The following ARHGEF38 variants were observed in gnomAD, a reference collection of about 807,000 sequenced individuals.
ARHGEF38 encodes the protein Rho guanine nucleotide exchange factor 38, also known as Rho guanine nucleotide exchange factor (GEF) 38.
Under a neutral mutation model 79.9 loss-of-function variants are expected in ARHGEF38, and 79 were observed. The observed-to-expected ratio is 0.99, with a 90% confidence interval of 0.82 to 1.19. ARHGEF38 has a LOEUF of 1.19. Among genes scored for constraint, ARHGEF38 ranks in the 50% most tolerant of loss-of-function variants. The probability of loss-of-function intolerance (pLI) is 0.00; values close to 1 mark genes in which losing one functional copy is unlikely to be tolerated. For synonymous variants in ARHGEF38, 366 were observed against 328.3 expected (o/e 1.11, Z -1.24); for missense variants, 962 against 907.2 (o/e 1.06, Z -0.78).
At chr4:105,590,903 G>A (rs1338944381) in intron 2 of ARHGEF38, among the ~76,000 whole-genome samples, 1 of 151,754 alleles carries the variant, frequency 6.6e-6, no homozygotes, top group African/African-American at 2.4e-5. Flanking sequence ...TCATATCCAT[G>A]TTTTTTGCTG....
Position 105,667,637 on chromosome 4 carries a change from T to C in ARHGEF38, c.2082T>C (p.Ser694=). Reference sequence around the variant, plus strand: ...TTGGTGATAGCAGCTCATCTCTTAGTGGCACATGTGGAAAGTTTGAAACAA... The same window carrying C: ...TTGGTGATAGCAGCTCATCTCTTAGCGGCACATGTGGAAAGTTTGAAACAA... The part of the protein sequence containing the change: ...SSIGDSSSSL[S]GTCGKFETNG... The change falls in exon 13 of 14, where the codon AGT becomes AGC. Residue 694 remains serine (S), a synonymous_variant. Coordinates refer to ENST00000420470, the MANE Select transcript of ARHGEF38 (RefSeq NM_001242729.2). 6.5e-7 allele frequency: 1 copy of C among 1,536,562 alleles called. No homozygotes were observed. The highest frequency in any genetic ancestry group is 8.7e-7 in the Non-Finnish European group (1 of 1,147,010).
chr4:105,667,201 C>T lies in ARHGEF38; in HGVS notation c.1762C>T (p.Gln588Ter). ...LSTYSAEELY[Q>*]AKRKCNATQE... ...CACATATAGTGCAGAGGAACTCTAT[C>T]AAGCTAAGCGCAAGTGCAATGCTAC... Residue 588 changes from glutamine to a stop codon, truncating the protein, a stop_gained, in exon 12 of 14, where the codon CAA (glutamine) becomes TAA (stop). Transcript: ENST00000420470. LOFTEE classifies it high-confidence loss of function. 1.3e-6 allele frequency: 2 copies of T among 1,536,158 alleles called. No individual in the cohort carries two copies. The highest frequency in any genetic ancestry group is 1.2e-5 in the South Asian group (1 of 84,058).
chr4:105,611,695 G>T (rs1728301416), intron 2 of ARHGEF38, among the ~76,000 whole-genome samples: 1 of 151,924 alleles, frequency 6.6e-6, no homozygotes, highest in South Asian at 2.1e-4. Flanking sequence ...AACCACATGT[G>T]CCATCTCCTA....
Position 105,659,384 on chromosome 4 carries a change from CCTAG to C in ARHGEF38, c.1545+27_1545+30del, listed in dbSNP as rs1730471541. On this transcript the variant is annotated intron_variant, in intron 10 of 13. Transcript: ENST00000420470. Reference sequence around the variant, plus strand: ...TGTGCCGGTAAGCACAGCACCAACACCTAGCTAGCTACCTTGGCCTACTGGATCT... The same window carrying C: ...TGTGCCGGTAAGCACAGCACCAACACCTAGCTACCTTGGCCTACTGGATCT... 6.6e-7 allele frequency: 1 copy of C among 1,522,302 alleles called. No individual in the cohort carries two copies. The highest frequency in any genetic ancestry group is 1.4e-5 in the African/African-American group (1 of 72,684). 94.3% of individuals were successfully genotyped at this position (1,522,302 alleles called of 1,614,324 possible). A position where few individuals can be genotyped will look rare whatever the true frequency, so the allele number is the denominator to read the frequency against.
At chr4:105,584,122 G>C (rs747379260) in intron 1 of ARHGEF38, among the ~76,000 whole-genome samples, 1 of 152,180 alleles carries the variant, frequency 6.6e-6, no homozygotes, top group African/African-American at 2.4e-5. Flanking sequence ...ACACAATTAT[G>C]CTGTTGTTAC....
At position 105,552,677 on chromosome 4, in the gene ARHGEF38, T is replaced by C; in HGVS notation, c.-89T>C. 1.8e-6 allele frequency: 2 copies of C among 1,086,574 alleles called. No homozygotes were observed. The highest frequency in any genetic ancestry group is 2.6e-6 in the Non-Finnish European group (2 of 763,578). The allele number at this position is 1,086,574 out of a possible 1,614,324, so 67.3% of individuals were successfully genotyped here. A position where few individuals can be genotyped will look rare whatever the true frequency, so the allele number is the denominator to read the frequency against. The stretch of plus-strand genomic sequence containing the variant: ...TTTAGTTAGAAGGGAGCAGATAAAC[T>C]CGTCACTCTAGTAGCTTTAACCCTC... On this transcript the variant is annotated 5_prime_UTR_variant, in exon 1 of 14. Coordinates refer to ENST00000420470, the MANE Select transcript of ARHGEF38 (RefSeq NM_001242729.2).
At chr4:105,617,616 C>G (rs1052580073) in intron 3 of ARHGEF38, among the ~76,000 whole-genome samples, 1 of 152,094 alleles carries the variant, frequency 6.6e-6, no homozygotes, top group Non-Finnish European at 1.5e-5. Context: ...TTTTTGTAAA[C>G]AAGGCCTCTG....
rs188752103 is a variant in ARHGEF38 at position 105,608,356 on chromosome 4, C to T, written c.385-5028C>T. On this transcript the variant is annotated intron_variant, in intron 2 of 13. Transcript: ENST00000420470. ...AAATACCTATTGACCACTTTTATGT[C>T]TTCTTTTGAGAAATGTCTATTTAGA... 1.2e-3 allele frequency among the ~76,000 whole-genome samples: 187 copies of T among 152,068 alleles called. 1 individual carries two copies. The highest frequency in any genetic ancestry group is 1.9e-3 in the Non-Finnish European group (131 of 67,912).
chr4:105,586,387 G>A (rs995457466), intron 1 of ARHGEF38, among the ~76,000 whole-genome samples: 3 of 152,056 alleles, frequency 2.0e-5, no homozygotes, highest in African/African-American at 4.8e-5. Flanking sequence ...TACACCTGAG[G>A]GAGAAGTTGA....
intron 3 of ARHGEF38, 115 bp downstream of exon 3, chr4:105,613,622 A>G: frequency 8.8e-7 from 1 of 1,140,662 alleles, no homozygotes; most frequent in Admixed American, 2.4e-5. Context: ...AGATATATAA[A>G]TGCTAAACCC....
At chr4:105,565,398 T>C (rs901963574) in intron 1 of ARHGEF38, among the ~76,000 whole-genome samples, 1 of 152,240 alleles carries the variant, frequency 6.6e-6, no homozygotes, top group African/African-American at 2.4e-5. Context: ...AAGATTTTAC[T>C]GTGTGAAACG....
chr4:105,553,587 T>C (rs893942913), intron 1 of ARHGEF38, among the ~76,000 whole-genome samples: 9 of 152,226 alleles, frequency 5.9e-5, no homozygotes, highest in African/African-American at 1.9e-4. Context: ...TTTGAGGAAA[T>C]AACTTCAGTT....
At chr4:105,671,261 T>C (rs1730948155) in intron 13 of ARHGEF38, among the ~76,000 whole-genome samples, 1 of 152,152 alleles carries the variant, frequency 6.6e-6, no homozygotes, top group Non-Finnish European at 1.5e-5. Context: ...CCCTGATACT[T>C]TCCCTCAGAG....
intron 5 of ARHGEF38, among the ~76,000 whole-genome samples, chr4:105,643,099 A>G (rs1729688315): frequency 6.6e-6 from 1 of 151,304 alleles, no homozygotes; most frequent in Non-Finnish European, 1.5e-5. Context: ...CTGATACACC[A>G]TCAGTTAGAA....
chr4:105,596,840 T>C (rs928503529), intron 2 of ARHGEF38, among the ~76,000 whole-genome samples: 1 of 152,152 alleles, frequency 6.6e-6, no homozygotes, highest in African/African-American at 2.4e-5. Context: ...CAAAGCTAGG[T>C]TCTACCTCTA....
chr4:105,648,819 C>CCTCTCTCTCTCTCT (rs71586108), intron 7 of ARHGEF38, 137 bp downstream of exon 7: 1 of 460,636 alleles, frequency 2.2e-6, no homozygotes, highest in African/African-American at 2.3e-5. Flanking sequence ...CTCTTGTCTC[C>CCTCTCTCTCTCTCT]CTCTCTCTCT....
At chr4:105,619,874 T>C (rs146022392) in intron 3 of ARHGEF38, among the ~76,000 whole-genome samples, 1 of 152,212 alleles carries the variant, frequency 6.6e-6, no homozygotes, top group Non-Finnish European at 1.5e-5. Context: ...GTTGGTGAGA[T>C]GTTTCCAAAA....
At chr4:105,656,285 G>T (rs1179405347) in intron 9 of ARHGEF38, among the ~76,000 whole-genome samples, 2 of 151,996 alleles carry the variant, frequency 1.3e-5, no homozygotes, top group African/African-American at 4.8e-5. Context: ...CAAACTCCTG[G>T]GGTCAAGTGA....
At chr4:105,670,480 T>C (rs1009761402) in intron 13 of ARHGEF38, among the ~76,000 whole-genome samples, 1 of 152,174 alleles carries the variant, frequency 6.6e-6, no homozygotes, top group Non-Finnish European at 1.5e-5. Flanking sequence ...TAAAAAAAAC[T>C]GGGTCATTTT....
Sources: gnomAD v4.1 joint callset for allele counts (sites outside exome capture counted in the v4.1 genomes callset) on GRCh38, gnomAD v4.1.1 for gene constraint, MANE v1.5 for transcripts, NCBI Gene and HGNC (gene_info 2026-07-23, HGNC 2026-07-21) for gene names.